The following MYT1L variants were observed in gnomAD, a reference collection of about 807,000 sequenced individuals.
MYT1L encodes myelin transcription factor 1-like protein.
Under a neutral mutation model 126.7 loss-of-function variants are expected in MYT1L, and 12 were observed. The observed-to-expected ratio is 0.09, with a 90% CI of 0.06 to 0.15. The LOEUF is 0.15. Ranked by LOEUF, MYT1L falls within the 10% of genes least tolerant of loss-of-function variation. MYT1L has a pLI of 1.00. For synonymous variants in MYT1L, 541 were observed against 604.2 expected (o/e 0.90, Z 1.53); for missense variants, 979 against 1,585.2 (o/e 0.62, Z 6.49).
chr2:2,102,042 A>G (rs2078155280), intron 3 of MYT1L, among the ~76,000 whole-genome samples: 1 of 152,178 alleles, frequency 6.6e-6, no homozygotes, highest in African/African-American at 2.4e-5. Context: ...TGAATACATT[A>G]TCTCAGAAAC....
Position 1,874,698 on chromosome 2 carries a change from C to T in MYT1L, c.2711+11841G>A, listed in dbSNP as rs929774181. Among the ~76,000 whole-genome samples the T allele has an allele frequency of 3.3e-5, 5 of 152,182 alleles. No homozygotes were observed. The East Asian group carries it at 5.8e-4, about 18-fold the overall frequency. ...CCAGAGGGAGCCACGTCCCTCTGCC[C>T]GTGCCGTTTGCCACCTCCATGTGAT... On this transcript the variant is annotated intron_variant, in intron 18 of 24. Transcript: ENST00000647738.
At chr2:2,184,868 G>A (rs2091949383) in intron 2 of MYT1L, among the ~76,000 whole-genome samples, 1 of 152,170 alleles carries the variant, frequency 6.6e-6, no homozygotes, top group Non-Finnish European at 1.5e-5. Context: ...AAAGGGACCC[G>A]CCAAGAGAGG....
chr2:2,083,155 T>C (rs1019731805), intron 3 of MYT1L, among the ~76,000 whole-genome samples: 2 of 152,208 alleles, frequency 1.3e-5, no homozygotes, highest in Admixed American at 1.3e-4. Context: ...TGCAATGCAC[T>C]CTAAGCCAGT....
chr2:2,236,052 C>CACAACCCAACCCATT lies in MYT1L; in HGVS notation c.-421+48337_-421+48351dup, dbSNP rs1371373933. Among the ~76,000 whole-genome samples, 4 of 152,252 alleles carry CACAACCCAACCCATT rather than the reference C, an allele frequency of 2.6e-5. No individual in the cohort carries two copies. The South Asian group carries it at 8.3e-4, about 32-fold the overall frequency. On this transcript the variant is annotated intron_variant, in intron 2 of 24. Transcript: ENST00000647738. ...CAGATTACGAAACAACCCAGTACAT[C>CACAACCCAACCCATT]ACAACCCAACCCATTACATCCCAAC... is the stretch of plus-strand genomic sequence containing the variant.
intron 21 of MYT1L, among the ~76,000 whole-genome samples, chr2:1,818,635 C>T (rs1253760583): frequency 6.6e-6 from 1 of 152,034 alleles, no homozygotes; most frequent in Non-Finnish European, 1.5e-5. Context: ...TTGCCCCGGT[C>T]GCCACGAGAG....
chr2:1,973,688 T>C (rs996014364), intron 8 of MYT1L, among the ~76,000 whole-genome samples: 26 of 152,226 alleles, frequency 1.7e-4, no homozygotes, highest in Admixed American at 1.4e-3. Flanking sequence ...GTGTGGTTTC[T>C]TTCAATGTAT....
At chr2:2,302,847 G>A (rs1296355250) in intron 1 of MYT1L, among the ~76,000 whole-genome samples, 3 of 152,148 alleles carry the variant, frequency 2.0e-5, no homozygotes, top group African/African-American at 7.2e-5. Context: ...CTGTGGTAAG[G>A]AGTAGTATTT....
chr2:1,931,783 CT>C (rs2055027719), intron 9 of MYT1L, among the ~76,000 whole-genome samples: 1 of 152,132 alleles, frequency 6.6e-6, no homozygotes, highest in Non-Finnish European at 1.5e-5. Flanking sequence ...TTCCCTGTGC[CT>C]TTGCATCGGC....
intron 1 of MYT1L, among the ~76,000 whole-genome samples, chr2:2,317,251 G>A (rs2096081437): frequency 6.6e-6 from 1 of 152,046 alleles, no homozygotes. Flanking sequence ...CAGGTTCCTG[G>A]TGTTGGGTTT....
intron 2 of MYT1L, among the ~76,000 whole-genome samples, chr2:2,209,375 T>A (rs2093424469): frequency 6.6e-6 from 1 of 152,118 alleles, no homozygotes; most frequent in Admixed American, 6.6e-5. Flanking sequence ...ACCATTAACC[T>A]TCCAACTCCC....
At chr2:1,937,807 G>A (rs1177277208) in intron 9 of MYT1L, among the ~76,000 whole-genome samples, 1 of 152,192 alleles carries the variant, frequency 6.6e-6, no homozygotes, top group African/African-American at 2.4e-5. Context: ...GCCCTAAGGT[G>A]ACCACACAGA....
At chr2:2,068,097 G>A (rs1185253411) in intron 3 of MYT1L, among the ~76,000 whole-genome samples, 2 of 152,008 alleles carry the variant, frequency 1.3e-5, no homozygotes, top group South Asian at 2.1e-4. Context: ...CTGCTCACAC[G>A]TGAAAGAACC....
At chr2:2,037,536 A>C (rs1169444253) in intron 4 of MYT1L, among the ~76,000 whole-genome samples, 3 of 151,680 alleles carry the variant, frequency 2.0e-5, no homozygotes, top group Non-Finnish European at 4.4e-5. Flanking sequence ...TGGCCAGATC[A>C]TATGAAGTCA....
rs558399543 is a variant in MYT1L, at chr2:1,943,553, G to A, written c.153-219C>T. 6.6e-6 allele frequency among the ~76,000 whole-genome samples: 1 copy of A among 152,138 alleles called. No individual in the cohort carries two copies. Among genetic ancestry groups the A allele is most frequent in the African/African-American group, 2.4e-5 (1 of 41,440 alleles). ...GTGCAAATAAATACCGCTCACATTTGTCTAGTTACCATTCACATTTAGTCC... is the reference window on the plus strand; with the variant it reads ...GTGCAAATAAATACCGCTCACATTTATCTAGTTACCATTCACATTTAGTCC... On this transcript the variant is annotated intron_variant, in intron 8 of 24. Coordinates refer to ENST00000647738, the MANE Select transcript of MYT1L (RefSeq NM_001303052.2). This position sits in a 1 kb window ranked among gnomAD's most constrained non-coding sequence, Gnocchi z 4.4.
At chr2:2,167,749 C>T (rs974520203) in intron 3 of MYT1L, among the ~76,000 whole-genome samples, 6 of 152,230 alleles carry the variant, frequency 3.9e-5, no homozygotes, top group African/African-American at 1.4e-4. Context: ...CTCAGATTCT[C>T]CCCTTTGGGG....
At chr2:1,968,083 T>C (rs571152562) in intron 8 of MYT1L, among the ~76,000 whole-genome samples, 262 of 152,282 alleles carry the variant, frequency 1.7e-3, no homozygotes, top group African/African-American at 6.2e-3. Context: ...GCAAGGAGGC[T>C]GTGTCCAGGG....
chr2:1,970,627 C>T (rs2149442744), intron 8 of MYT1L, among the ~76,000 whole-genome samples: 1 of 152,286 alleles, frequency 6.6e-6, no homozygotes, highest in East Asian at 1.9e-4. Flanking sequence ...TGCTTTGTGG[C>T]TGCGGGGAAT....
intron 3 of MYT1L, among the ~76,000 whole-genome samples, chr2:2,109,209 G>T (rs1212144503): frequency 6.6e-6 from 1 of 152,156 alleles, no homozygotes; most frequent in Non-Finnish European, 1.5e-5. Flanking sequence ...GTGTTTGCTG[G>T]GTATGGTCCT....
Position 2,241,971 on chromosome 2 carries a change from A to C in MYT1L, c.-421+42433T>G, listed in dbSNP as rs578213722. On this transcript the variant is annotated intron_variant, in intron 2 of 24. Transcript: ENST00000647738. ...CACACACACATATATATAGTACTAT[A>C]TCCCACCTTGCATTTAGTGAAGTGC... Among the ~76,000 whole-genome samples the C allele has an allele frequency of 3.3e-5, 5 of 152,316 alleles. No homozygotes were observed. The East Asian group carries it at 7.7e-4, about 24-fold the overall frequency.
Sources: allele counts gnomAD v4.1 joint callset (sites outside exome capture counted in the v4.1 genomes callset), GRCh38; gene constraint gnomAD v4.1.1; non-coding constraint Gnocchi (gnomAD v3.1); transcripts MANE v1.5; gene names NCBI Gene and HGNC (gene_info 2026-07-23, HGNC 2026-07-21).